Variants in MOB1B observed in about 807,000 individuals in gnomAD.
MOB1B encodes MOB kinase activator 1B.
In MOB1B, 19 loss-of-function variants were observed where a neutral mutation model predicts 24.4. That is an observed-to-expected ratio of 0.78 (90% CI 0.54 to 1.14). The LOEUF (loss-of-function observed/expected upper bound fraction) is 1.14. MOB1B is among the 50% of genes most tolerant of loss of function. The pLI, the probability that MOB1B is intolerant of heterozygous loss-of-function variation, is 0.00. For missense variants in MOB1B, 243 were observed against 259.6 expected (o/e 0.94, Z 0.44); for synonymous variants, 76 against 82.1 (o/e 0.93, Z 0.40).
intron 1 of MOB1B, among the ~76,000 whole-genome samples, chr4:70,945,522 C>T (rs920556211): frequency 6.6e-6 from 1 of 152,152 alleles, no homozygotes; most frequent in Non-Finnish European, 1.5e-5. Context: ...TTGAACCTAT[C>T]ATGATTAGGC....
At chr4:70,957,169 G>A (rs1738096062) in intron 1 of MOB1B, among the ~76,000 whole-genome samples, 1 of 136,058 alleles carries the variant, frequency 7.3e-6, no homozygotes, top group South Asian at 2.3e-4. Context: ...TTTTGATGAT[G>A]TGAATTTAAT....
chr4:70,916,823 C>T (rs1436426170), intron 1 of MOB1B, among the ~76,000 whole-genome samples: 1 of 152,242 alleles, frequency 6.6e-6, no homozygotes, highest in African/African-American at 2.4e-5. Flanking sequence ...CCCACCTCGA[C>T]CTCTCAAACT....
At chr4:70,975,922 A>G (rs1738968506) in intron 4 of MOB1B, 1 of 657,704 alleles carries the variant, frequency 1.5e-6, no homozygotes, top group Non-Finnish European at 1.9e-6. Context: ...TTTGGGAGAC[A>G]AGAGTATCTC....
At chr4:70,979,993 CTAT>C (rs1454805030) in intron 5 of MOB1B, among the ~76,000 whole-genome samples, 1 of 152,030 alleles carries the variant, frequency 6.6e-6, no homozygotes, top group Non-Finnish European at 1.5e-5. Flanking sequence ...TTTATTGTTG[CTAT>C]TATTGTTGTT....
chr4:70,970,148 A>G (rs973930166), intron 3 of MOB1B, 124 bp downstream of exon 3: 14 of 587,734 alleles, frequency 2.4e-5, no homozygotes, highest in African/African-American at 5.6e-5. Context: ...GCCAGTGACT[A>G]TTAATCTAGA....
At chr4:70,954,238 A>C (rs1253129833) in intron 1 of MOB1B, among the ~76,000 whole-genome samples, 1 of 152,196 alleles carries the variant, frequency 6.6e-6, no homozygotes, top group African/African-American at 2.4e-5. Context: ...TCAAGAAAAG[A>C]AAGGATAATG....
In MOB1B at chr4:70,971,455, C is replaced by T. The variant is rs111432350; in HGVS notation, c.275+1431C>T. ...GGGTGAGGTTGCAGTGAGCTGAGAT[C>T]GTGCCAGTGTGTGTACTCCAGCCTG... On this transcript the variant is annotated intron_variant, in intron 3 of 5. Transcript: ENST00000309395. 7.6e-3 allele frequency among the ~76,000 whole-genome samples: 1,129 copies of T among 148,562 alleles called. 19 individuals are homozygous for T. The highest frequency in any genetic ancestry group is 0.025 in the African/African-American group (995 of 39,992).
chr4:70,910,453 G>A (rs1017811341), intron 1 of MOB1B, among the ~76,000 whole-genome samples: 1 of 151,346 alleles, frequency 6.6e-6, no homozygotes, highest in Non-Finnish European at 1.5e-5. Context: ...ATGTATATAT[G>A]TGTGTATGTA....
At chr4:70,916,568 G>GAAT in intron 1 of MOB1B, among the ~76,000 whole-genome samples, 1 of 152,142 alleles carries the variant, frequency 6.6e-6, no homozygotes, top group Non-Finnish European at 1.5e-5. Context: ...CCCTGCCACT[G>GAAT]AATATCTTTT....
chr4:70,917,299 A>G (rs1205096170), intron 1 of MOB1B, among the ~76,000 whole-genome samples: 1 of 152,248 alleles, frequency 6.6e-6, no homozygotes, highest in Non-Finnish European at 1.5e-5. Context: ...TCCTTCAAAA[A>G]TAAAAGTACA....
rs898727622 is a variant in MOB1B, at chr4:70,984,951, T to C, written c.*2894T>C. ...CAGTCTCTTTCTACCTTCCCTCTGT[T>C]AGTCATTTGTAAATTCTAAATGGTC... On this transcript the variant is annotated 3_prime_UTR_variant, in exon 6 of 6. Coordinates refer to ENST00000309395, the MANE Select transcript of MOB1B (RefSeq NM_173468.4). The C allele has an allele frequency of 2.0e-5, 3 of 152,170 alleles. No individual in the cohort carries two copies. Among genetic ancestry groups the C allele is most frequent in the Non-Finnish European group, 4.4e-5 (3 of 68,002 alleles). The allele number at this position is 152,170 out of a possible 1,614,324, so 9.4% of individuals were successfully genotyped here.
chr4:70,950,160 G>C lies in MOB1B; in HGVS notation c.15-8714G>C, dbSNP rs543667779. Among the ~76,000 whole-genome samples the C allele has an allele frequency of 4.6e-5, 7 of 152,220 alleles. No individual in the cohort carries two copies. The East Asian group carries it at 1.4e-3, about 29-fold the overall frequency. ...GGTAAAAGTATGGGCTTTAGGCCGA[G>C]TGCTGTGGCTCACGCCTGTAATCCC... is the stretch of plus-strand genomic sequence containing the variant. On this transcript the variant is annotated intron_variant, in intron 1 of 5. Transcript: ENST00000309395.
intron 1 of MOB1B, among the ~76,000 whole-genome samples, chr4:70,943,860 T>TTCAA (rs1464429379): frequency 6.6e-6 from 1 of 152,094 alleles, no homozygotes; most frequent in African/African-American, 2.4e-5. Flanking sequence ...GAAAATCTTT[T>TTCAA]TCAATCAAAA....
intron 1 of MOB1B, among the ~76,000 whole-genome samples, chr4:70,930,965 CTTTTTTTT>C (rs71211981): frequency 1.7e-5 from 2 of 114,324 alleles, no homozygotes; most frequent in African/African-American, 6.6e-5. Context: ...TGTACCTTTC[CTTTTTTTT>C]TTTTTTTTTT....
At chr4:70,936,292 C>G (rs1737081085) in intron 1 of MOB1B, among the ~76,000 whole-genome samples, 1 of 152,160 alleles carries the variant, frequency 6.6e-6, no homozygotes, top group South Asian at 2.1e-4. Flanking sequence ...CATGAGCCAC[C>G]AGTATACTCT....
intron 1 of MOB1B, among the ~76,000 whole-genome samples, chr4:70,908,502 C>T (rs909566131): frequency 2.6e-5 from 4 of 151,312 alleles, no homozygotes; most frequent in South Asian, 2.1e-4. Flanking sequence ...AGGCCGGGCA[C>T]GGTGGCTCAT....
intron 1 of MOB1B, among the ~76,000 whole-genome samples, chr4:70,929,945 GC>G (rs1736822017): frequency 6.6e-6 from 1 of 152,066 alleles, no homozygotes; most frequent in Non-Finnish European, 1.5e-5. Context: ...TGTAGAGACA[GC>G]GTCTCCCTAT....
At chr4:70,964,963 G>A (rs1238892134) in intron 2 of MOB1B, among the ~76,000 whole-genome samples, 1 of 151,138 alleles carries the variant, frequency 6.6e-6, no homozygotes, top group Admixed American at 6.6e-5. Flanking sequence ...GAGGTTATCA[G>A]TAAAGAACAG....
chr4:70,952,681 A>G (rs144675703), intron 1 of MOB1B, among the ~76,000 whole-genome samples: 1 of 151,150 alleles, frequency 6.6e-6, no homozygotes, highest in East Asian at 1.9e-4. Context: ...CAAAAAAAAA[A>G]CTTTCTAATG....
Sources: allele counts gnomAD v4.1 joint callset (sites outside exome capture counted in the v4.1 genomes callset), GRCh38; gene constraint gnomAD v4.1.1; transcripts MANE v1.5; gene names NCBI Gene and HGNC (gene_info 2026-07-23, HGNC 2026-07-21).